Variants in DENND2A observed in about 807,000 individuals in gnomAD.
DENND2A encodes the protein DENN domain containing 2A.
A neutral mutation model predicts 105.3 loss-of-function variants in DENND2A; 53 were observed. The ratio of observed to expected loss-of-function variants is 0.50; its 90% CI spans 0.40 to 0.63. The LOEUF (loss-of-function observed/expected upper bound fraction) is 0.63. Ranked by LOEUF, DENND2A falls within the 30% of genes least tolerant of loss-of-function variation. The pLI is 0.00. For synonymous variants in DENND2A, 522 were observed against 508.4 expected, an observed-to-expected ratio of 1.03 and a Z score of -0.36; for missense variants, 1,138 against 1,279.6, an observed-to-expected ratio of 0.89 and a Z score of 1.69.
chr7:140,602,134 C>T lies in DENND2A; in HGVS notation c.264G>A (p.Val88=). The T allele has an allele frequency of 6.2e-7, 1 of 1,614,210 alleles. No individual in the cohort carries two copies. Among genetic ancestry groups the T allele is most frequent in the African/African-American group, 1.3e-5 (1 of 75,062 alleles). ...TCTTAGCCTCTGTGACCTGAGTTCT[C>T]ACCCCATCACTACTCCTCCTCTCCA... The part of the protein sequence containing the change: ...STVERRSSDG[V]RTQVTEAKNG... The change falls in exon 3 of 20, where the codon GTG becomes GTA. Residue 88 remains valine, a synonymous_variant. Transcript: ENST00000496613.
chr7:140,555,593 C>CCCGTT (rs1361144527), intron 12 of DENND2A, 43 bp downstream of exon 12: 4 of 1,590,860 alleles, frequency 2.5e-6, no homozygotes, highest in Non-Finnish European at 3.4e-6. Flanking sequence ...CTAGAGCCCT[C>CCCGTT]CCGTTCCTTC....
intron 1 of DENND2A, among the ~76,000 whole-genome samples, chr7:140,637,553 C>G (rs750754245): frequency 6.6e-6 from 1 of 152,166 alleles, no homozygotes; most frequent in Non-Finnish European, 1.5e-5. Flanking sequence ...TCTCTGGTCT[C>G]CTGAAGAGGA....
At chr7:140,633,383 G>A (rs1048673577) in intron 1 of DENND2A, among the ~76,000 whole-genome samples, 2 of 151,584 alleles carry the variant, frequency 1.3e-5, no homozygotes, top group Non-Finnish European at 2.9e-5. Context: ...TCAAACTCCC[G>A]ACCTCAAGTG....
chr7:140,569,590 G>A, intron 7 of DENND2A, 55 bp downstream of exon 7: 7 of 1,278,316 alleles, frequency 5.5e-6, no homozygotes, highest in Non-Finnish European at 8.0e-6. Flanking sequence ...GCCACTTCTG[G>A]AAAGAATCTC....
At chr7:140,631,607 G>A (rs935778380) in intron 1 of DENND2A, among the ~76,000 whole-genome samples, 1 of 152,144 alleles carries the variant, frequency 6.6e-6, no homozygotes, top group East Asian at 1.9e-4. Context: ...GGTAAACAGA[G>A]GGCACTGGTC....
chr7:140,543,361 C>T (rs1796757700), intron 14 of DENND2A, among the ~76,000 whole-genome samples: 1 of 148,438 alleles, frequency 6.7e-6, no homozygotes, highest in African/African-American at 2.5e-5. Context: ...TCTCAAACTA[C>T]TTCCCTCAAG....
intron 5 of DENND2A, among the ~76,000 whole-genome samples, chr7:140,582,060 G>T (rs1798568589): frequency 6.6e-6 from 1 of 151,946 alleles, no homozygotes; most frequent in Admixed American, 6.6e-5. Flanking sequence ...TGCCCCCCAG[G>T]TTCAAGTGAT....
chr7:140,524,556 A>AT (rs1207432385), intron 16 of DENND2A, among the ~76,000 whole-genome samples: 7 of 151,182 alleles, frequency 4.6e-5, no homozygotes, highest in East Asian at 1.9e-4. Context: ...GTATATACAT[A>AT]TTTTTTTTCC....
rs751058556 is a variant in DENND2A at position 140,601,894 on chromosome 7, C to T, written c.504G>A (p.Gln168=). Residue 168 remains glutamine (Q), a synonymous_variant, in exon 3 of 20, where the codon CAG becomes CAA. Transcript: ENST00000496613. ...GCCCTGCCGACCCATCCTTCAAAGC[C>T]TGCTCGAGTTTCTTGACCTGCTTCA... ...SVLKQVKKLE[Q]ALKDGSAGLD... is the part of the protein sequence containing the mutation. 1.2e-6 allele frequency: 2 copies of T among 1,614,220 alleles called. No individual in the cohort carries two copies. Among genetic ancestry groups the T allele is most frequent in the Admixed American group, 1.7e-5 (1 of 60,018 alleles).
At chr7:140,521,785 C>T (rs1795868248) in intron 18 of DENND2A, 70 bp downstream of exon 18, 6 of 1,587,978 alleles carry the variant, frequency 3.8e-6, no homozygotes, top group East Asian at 2.2e-5. Context: ...ATCTTTCTCC[C>T]TACTCATCAG....
intron 1 of DENND2A, among the ~76,000 whole-genome samples, chr7:140,616,437 G>T (rs182263915): frequency 6.6e-6 from 1 of 152,028 alleles, no homozygotes; most frequent in African/African-American, 2.4e-5. Flanking sequence ...TAAGTGAGGC[G>T]GGGAAGTAAG....
At chr7:140,591,015 G>T (rs897619670) in intron 3 of DENND2A, among the ~76,000 whole-genome samples, 1 of 152,024 alleles carries the variant, frequency 6.6e-6, no homozygotes, top group Admixed American at 6.6e-5. Flanking sequence ...AATGAAGATG[G>T]GGGTGGGCGC....
chr7:140,625,471 G>C (rs1472799266), intron 1 of DENND2A, among the ~76,000 whole-genome samples: 1 of 152,294 alleles, frequency 6.6e-6, no homozygotes, highest in East Asian at 1.9e-4. Context: ...CTTGAGGTCA[G>C]GAGTTTGAGA....
Position 140,573,670 on chromosome 7 carries a change from C to T in DENND2A, c.1446+138G>A. On this transcript the variant is annotated intron_variant, in intron 6 of 19. Transcript: ENST00000496613. ...TCCGGATATTCCAGCCTGCTGGCTT[C>T]ACTGTGTCCCCCTGGCCTGCAGCAA... 3.0e-6 allele frequency: 3 copies of T among 1,002,072 alleles called. No homozygotes were observed. The South Asian group carries it at 4.9e-5, about 16-fold the overall frequency. The allele number at this position is 1,002,072 out of a possible 1,614,324, so 62.1% of individuals were successfully genotyped here. A position where few individuals can be genotyped will look rare whatever the true frequency, so the allele number is the denominator to read the frequency against.
chr7:140,617,868 A>G (rs1800140796), intron 1 of DENND2A, among the ~76,000 whole-genome samples: 1 of 152,152 alleles, frequency 6.6e-6, no homozygotes, highest in Non-Finnish European at 1.5e-5. Context: ...GCAGCTAAAG[A>G]TGCATATCAT....
In DENND2A at chr7:140,523,509, G is replaced by A; in HGVS notation, c.2548-85C>T. ...ACACACTGGAGCCACTGCAGGGCAGGCCTGGCTCAGTCTCCAGTTTCATGG... is the reference window on the plus strand; with the variant it reads ...ACACACTGGAGCCACTGCAGGGCAGACCTGGCTCAGTCTCCAGTTTCATGG... On this transcript the variant is annotated intron_variant, in intron 16 of 19. Transcript: ENST00000496613. This position sits in a 1 kb window ranked among gnomAD's most constrained non-coding sequence, Gnocchi z 4.5. The A allele has an allele frequency of 8.7e-7, 1 of 1,150,062 alleles. No homozygotes were observed. The highest frequency in any genetic ancestry group is 1.3e-5 in the South Asian group (1 of 79,034). 71.2% of individuals were successfully genotyped at this position (1,150,062 alleles called of 1,614,324 possible).
At chr7:140,538,186 C>G (rs1291275864) in intron 14 of DENND2A, among the ~76,000 whole-genome samples, 9 of 152,138 alleles carry the variant, frequency 5.9e-5, no homozygotes, top group African/African-American at 2.2e-4. Flanking sequence ...CTTCCTCTTG[C>G]AGTGGGAGAC....
At chr7:140,592,598 C>T (rs57591156) in intron 3 of DENND2A, among the ~76,000 whole-genome samples, 5,855 of 144,196 alleles carry the variant, frequency 0.041, 216 homozygotes, top group African/African-American at 0.11. Flanking sequence ...GTGCCCTGCC[C>T]TTTTTTTTTT....
At chr7:140,633,098 G>A (rs1341506178) in intron 1 of DENND2A, among the ~76,000 whole-genome samples, 2 of 147,670 alleles carry the variant, frequency 1.4e-5, no homozygotes, top group African/African-American at 2.5e-5. Flanking sequence ...GCGCAATCTC[G>A]GCTCACTGCA....
Sources: allele counts gnomAD v4.1 joint callset (sites outside exome capture counted in the v4.1 genomes callset), GRCh38; gene constraint gnomAD v4.1.1; non-coding constraint Gnocchi (gnomAD v3.1); transcripts MANE v1.5; gene names NCBI Gene and HGNC (gene_info 2026-07-23, HGNC 2026-07-21).